The following AOAH variants were observed in gnomAD, a reference collection of about 807,000 sequenced individuals.
AOAH encodes the protein acyloxyacyl hydrolase (neutrophil).
Under a neutral mutation model 92.2 loss-of-function variants are expected in AOAH, and 64 were observed. That is an observed-to-expected ratio of 0.69 (90% CI 0.57 to 0.86). The LOEUF (loss-of-function observed/expected upper bound fraction) is 0.86, where lower values mean the gene tolerates loss of function less well. Among genes scored for constraint, AOAH ranks in the 40% least tolerant of loss-of-function variants. The pLI is 0.00. For missense variants in AOAH, 656 were observed against 694.6 expected (o/e 0.94, Z 0.62); for synonymous variants, 263 against 254.5 (o/e 1.03, Z -0.32).
intron 13 of AOAH, among the ~76,000 whole-genome samples, chr7:36,552,929 T>A (rs60363313): frequency 9.2e-5 from 14 of 152,344 alleles, no homozygotes; most frequent in African/African-American, 3.4e-4. Context: ...CTGCATAGAA[T>A]TCCATGGTGT....
Position 36,513,394 on chromosome 7 carries a change from C to T in AOAH, c.1600-14G>A. 1 of 1,611,330 alleles carries T rather than the reference C, an allele frequency of 6.2e-7. No homozygotes were observed. On this transcript the variant is annotated splice_polypyrimidine_tract_variant and intron_variant, in intron 20 of 20. Coordinates refer to ENST00000617537, the MANE Select transcript of AOAH (RefSeq NM_001637.4). ...CAGCAAAGCCACCTGTGAGAGAGAACCCAAAGGACGAGGAAAAGGGAAATT... is the reference window on the plus strand; with the variant it reads ...CAGCAAAGCCACCTGTGAGAGAGAATCCAAAGGACGAGGAAAAGGGAAATT...
chr7:36,540,962 C>T (rs1025290877), intron 15 of AOAH, among the ~76,000 whole-genome samples: 3 of 152,202 alleles, frequency 2.0e-5, no homozygotes, highest in Admixed American at 1.3e-4. Flanking sequence ...AGCATAAACT[C>T]GCTGGCCTGA....
chr7:36,712,279 G>A (rs1292553319), intron 1 of AOAH, among the ~76,000 whole-genome samples: 1 of 152,122 alleles, frequency 6.6e-6, no homozygotes, highest in Non-Finnish European at 1.5e-5. Context: ...GTGGTATGCG[G>A]GTGTGGAGAG....
intron 2 of AOAH, among the ~76,000 whole-genome samples, chr7:36,684,112 C>G (rs1228395788): frequency 6.6e-6 from 1 of 152,096 alleles, no homozygotes; most frequent in Non-Finnish European, 1.5e-5. Context: ...AGAGAAATGA[C>G]TGATTTCAAG....
intron 4 of AOAH, among the ~76,000 whole-genome samples, chr7:36,648,089 C>T (rs1794344372): frequency 6.6e-6 from 1 of 152,072 alleles, no homozygotes; most frequent in Non-Finnish European, 1.5e-5. Context: ...GCCTCGACCT[C>T]CCAAAGTGCT....
intron 11 of AOAH, among the ~76,000 whole-genome samples, chr7:36,594,900 C>T (rs1202161609): frequency 2.6e-5 from 4 of 152,110 alleles, no homozygotes; most frequent in African/African-American, 9.7e-5. Flanking sequence ...TCTTGGGGGT[C>T]TCAGACATTT....
chr7:36,622,596 C>T (rs909940319), intron 7 of AOAH, among the ~76,000 whole-genome samples: 25 of 152,122 alleles, frequency 1.6e-4, no homozygotes, highest in African/African-American at 4.6e-4. Context: ...AGTAAGTTAA[C>T]GTAGATTTAA....
chr7:36,672,242 T>G (rs1319039048), intron 3 of AOAH, among the ~76,000 whole-genome samples: 1 of 152,232 alleles, frequency 6.6e-6, no homozygotes, highest in Non-Finnish European at 1.5e-5. Flanking sequence ...AAGTTCCTTC[T>G]GTCTTTAAAA....
intron 6 of AOAH, among the ~76,000 whole-genome samples, chr7:36,630,062 C>T (rs1000830746): frequency 2.6e-5 from 4 of 152,162 alleles, no homozygotes; most frequent in South Asian, 2.1e-4. Context: ...GAGACTGGAG[C>T]GATGCAGCTG....
rs770747092 is a variant in AOAH at position 36,519,305 on chromosome 7, G to A, written c.1599+2734C>T. Among the ~76,000 whole-genome samples the A allele has an allele frequency of 5.3e-5, 8 of 152,338 alleles. No individual in the cohort carries two copies. The East Asian group carries it at 1.2e-3, about 22-fold the overall frequency. On this transcript the variant is annotated intron_variant, in intron 20 of 20. Coordinates refer to ENST00000617537, the MANE Select transcript of AOAH (RefSeq NM_001637.4). ...GCTTTTATTTCCTCCAACATGCCAC[G>A]CTTTCTTTCATATTCAGGTCTTTGC...
intron 13 of AOAH, among the ~76,000 whole-genome samples, chr7:36,571,158 G>A (rs1480661369): frequency 1.3e-5 from 2 of 152,162 alleles, no homozygotes; most frequent in Non-Finnish European, 2.9e-5. Context: ...CTGAGAATGA[G>A]GCCCCCAGGA....
intron 12 of AOAH, among the ~76,000 whole-genome samples, chr7:36,592,490 C>CAT (rs1391108491): frequency 3.3e-5 from 5 of 152,202 alleles, no homozygotes; most frequent in African/African-American, 4.8e-5. Context: ...TTCTCCATCC[C>CAT]ATAGCTATGC....
At chr7:36,687,931 G>A (rs933414108) in intron 1 of AOAH, among the ~76,000 whole-genome samples, 18 of 152,156 alleles carry the variant, frequency 1.2e-4, no homozygotes, top group African/African-American at 4.1e-4. Flanking sequence ...GTGAAGAAAC[G>A]AGAGTCTTCT....
At chr7:36,643,393 G>T (rs954633120) in intron 4 of AOAH, among the ~76,000 whole-genome samples, 2 of 152,140 alleles carry the variant, frequency 1.3e-5, no homozygotes, top group Admixed American at 1.3e-4. Flanking sequence ...AGGCCTTGGG[G>T]AATGGCAAGT....
chr7:36,616,478 G>A lies in AOAH; in HGVS notation c.752-4C>T. On this transcript the variant is annotated splice_polypyrimidine_tract_variant and splice_region_variant and intron_variant, in intron 10 of 20. Coordinates refer to ENST00000617537, the MANE Select transcript of AOAH (RefSeq NM_001637.4). Reference sequence around the variant, plus strand: ...ATGATTCCCCTGGGCTGTGAACCTAGGCAGCACAATTTATTCACATTATTT... The same window carrying A: ...ATGATTCCCCTGGGCTGTGAACCTAAGCAGCACAATTTATTCACATTATTT... 6.2e-7 allele frequency: 1 copy of A among 1,613,090 alleles called. No homozygotes were observed. The highest frequency in any genetic ancestry group is 1.3e-5 in the African/African-American group (1 of 75,020).
At chr7:36,545,538 T>C (rs1359584799) in intron 15 of AOAH, among the ~76,000 whole-genome samples, 1 of 152,178 alleles carries the variant, frequency 6.6e-6, no homozygotes, top group African/African-American at 2.4e-5. Flanking sequence ...GCCCAGGGTG[T>C]AACCTGAAGC....
chr7:36,602,046 T>A (rs1052899317), intron 11 of AOAH, among the ~76,000 whole-genome samples: 2 of 152,202 alleles, frequency 1.3e-5, no homozygotes, highest in Non-Finnish European at 2.9e-5. Flanking sequence ...CGATGCACAT[T>A]CAACTTCAGC....
chr7:36,564,588 T>A (rs1787542302), intron 13 of AOAH, among the ~76,000 whole-genome samples: 1 of 152,254 alleles, frequency 6.6e-6, no homozygotes, highest in Non-Finnish European at 1.5e-5. Flanking sequence ...AAGCAGCAGA[T>A]AACTTTCCCT....
intron 1 of AOAH, among the ~76,000 whole-genome samples, chr7:36,713,468 C>G (rs1798911769): frequency 6.6e-6 from 1 of 152,122 alleles, no homozygotes; most frequent in African/African-American, 2.4e-5. Context: ...CAGCTCTGCA[C>G]CAAGCAGACC....
Sources: gnomAD v4.1 joint callset for allele counts (sites outside exome capture counted in the v4.1 genomes callset) on GRCh38, gnomAD v4.1.1 for gene constraint, MANE v1.5 for transcripts, NCBI Gene and HGNC (gene_info 2026-07-23, HGNC 2026-07-21) for gene names.